UGT1A7: variants seen among roughly 807,000 people sequenced by gnomAD.
The protein encoded by UGT1A7 is UDP glucuronosyltransferase family 1 member A7, also known as UDP-glucuronosyltransferase 1A7.
Under a neutral mutation model 45.6 loss-of-function variants are expected in UGT1A7, and 33 were observed. That is an observed-to-expected ratio of 0.72 (90% CI 0.55 to 0.97). The LOEUF (loss-of-function observed/expected upper bound fraction) is 0.97. Ranked by LOEUF, UGT1A7 falls within the 50% of genes least tolerant of loss-of-function variation. The pLI is 0.00. For synonymous variants in UGT1A7, 274 were observed against 250.6 expected, an observed-to-expected ratio of 1.09 and a Z score of -0.88; for missense variants, 684 against 666.2, an observed-to-expected ratio of 1.03 and a Z score of -0.29.
intron 1 of UGT1A7, among the ~76,000 whole-genome samples, chr2:233,697,135 A>C (rs899177042): frequency 2.0e-5 from 3 of 152,062 alleles, no homozygotes; most frequent in African/African-American, 7.2e-5. Context: ...TTTTTCTGTA[A>C]TAGTTTGAGT....
At chr2:233,756,421 TG>T (rs1436391565) in intron 1 of UGT1A7, 1 of 152,148 alleles carries the variant, frequency 6.6e-6, no homozygotes, top group African/African-American at 2.4e-5. Flanking sequence ...TTATTTGTAC[TG>T]TTTTTTTTTC....
At chr2:233,713,670 G>GT in intron 1 of UGT1A7, 1 of 1,613,956 alleles carries the variant, frequency 6.2e-7, no homozygotes, top group Non-Finnish European at 8.5e-7. Context: ...TTGCCATGCT[G>GT]TTTCTGCTCC....
intron 1 of UGT1A7, among the ~76,000 whole-genome samples, chr2:233,687,020 T>A (rs551595106): frequency 2.6e-5 from 4 of 152,192 alleles, no homozygotes; most frequent in Admixed American, 1.3e-4. Context: ...CTTTAGGAGG[T>A]GGTTCAATGT....
At chr2:233,702,203 T>C (rs1322988594) in intron 1 of UGT1A7, among the ~76,000 whole-genome samples, 1 of 152,208 alleles carries the variant, frequency 6.6e-6, no homozygotes, top group Non-Finnish European at 1.5e-5. Context: ...TGGCAGCCAT[T>C]AATCAACTTT....
rs541267003 is a variant in UGT1A7, at chr2:233,744,012, G to T, written c.856-23022G>T. 67 of 1,089,588 alleles carry T rather than the reference G, an allele frequency of 6.1e-5. 1 individual carries two copies. Among genetic ancestry groups the T allele is most frequent in the Non-Finnish European group, 7.2e-5 (60 of 828,198 alleles). The allele number at this position is 1,089,588 out of a possible 1,614,324, so 67.5% of individuals were successfully genotyped here. ...GCCCGAGTGCTCGGAGACCTGGGCC[G>T]CCTGGAGAGACGCCCCTTATGACGC... On this transcript the variant is annotated intron_variant, in intron 1 of 4. Transcript: ENST00000373426.
intron 1 of UGT1A7, among the ~76,000 whole-genome samples, chr2:233,732,351 ATGAAGTCC>A: frequency 6.6e-6 from 1 of 152,222 alleles, no homozygotes; most frequent in Non-Finnish European, 1.5e-5. Flanking sequence ...TGTTTTAGTC[ATGAAGTCC>A]TGGCCCATGC....
intron 1 of UGT1A7, among the ~76,000 whole-genome samples, chr2:233,727,122 G>A (rs188097836): frequency 6.6e-6 from 1 of 152,290 alleles, no homozygotes; most frequent in Non-Finnish European, 1.5e-5. Context: ...TGTGAGATTG[G>A]CAGAGGGGAA....
chr2:233,697,312 G>A (rs150627234), intron 1 of UGT1A7, among the ~76,000 whole-genome samples: 114 of 152,132 alleles, frequency 7.5e-4, no homozygotes, highest in African/African-American at 2.7e-3. Flanking sequence ...TTGGTAGATT[G>A]TTTGTGTTTG....
At chr2:233,755,246 C>T (rs1229068281) in intron 1 of UGT1A7, 3 of 850,962 alleles carry the variant, frequency 3.5e-6, no homozygotes, top group Non-Finnish European at 5.3e-6. Flanking sequence ...GGGGTACTCC[C>T]AGCACCTCGT....
At chr2:233,751,245 G>A (rs961434580) in intron 1 of UGT1A7, among the ~76,000 whole-genome samples, 1 of 151,950 alleles carries the variant, frequency 6.6e-6, no homozygotes, top group Admixed American at 6.5e-5. Context: ...TTTTGGACTT[G>A]CATGGGGCCT....
rs2075159384 is a variant in UGT1A7, at chr2:233,693,500, C to T, written c.855+10708C>T. On this transcript the variant is annotated intron_variant, in intron 1 of 4. Transcript: ENST00000373426. ...GATCCTGGCTGAGTATTTGGGCCTA[C>T]CATCTGTGTACCTCTTCAGGGGTTT... 1.2e-6 allele frequency: 2 copies of T among 1,614,174 alleles called. No homozygotes were observed. Among genetic ancestry groups the T allele is most frequent in the Non-Finnish European group, 1.7e-6 (2 of 1,180,030 alleles).
At chr2:233,748,947 C>G (rs900612588) in intron 1 of UGT1A7, among the ~76,000 whole-genome samples, 1 of 151,662 alleles carries the variant, frequency 6.6e-6, no homozygotes, top group Non-Finnish European at 1.5e-5. Context: ...CCCACCCTAT[C>G]CCACTCCAAG....
At chr2:233,683,694 C>T (rs527656893) in intron 1 of UGT1A7, among the ~76,000 whole-genome samples, 2 of 152,180 alleles carry the variant, frequency 1.3e-5, no homozygotes, top group Non-Finnish European at 2.9e-5. Flanking sequence ...CTCTGCATTT[C>T]ATTATTTTTG....
rs147392032 is a variant in UGT1A7 at position 233,682,549 on chromosome 2, G to A, written c.612G>A (p.Lys204=). The stretch of plus-strand genomic sequence containing the variant: ...GGTTCTCAGACGCCATGACTTTCAA[G>A]GAGAGAGTATGGAACCACATCATGC... ...LLGFSDAMTF[K]ERVWNHIMHL... The change falls in exon 1 of 5, where the codon AAG becomes AAA. Residue 204 remains lysine (K), a synonymous_variant. Coordinates refer to ENST00000373426, the MANE Select transcript of UGT1A7 (RefSeq NM_019077.3). The A allele has an allele frequency of 2.9e-4, 473 of 1,613,794 alleles. No homozygotes were observed. The highest frequency in any genetic ancestry group is 3.7e-4 in the Non-Finnish European group (442 of 1,179,858).
intron 1 of UGT1A7, chr2:233,743,791 C>G: frequency 7.3e-7 from 1 of 1,367,342 alleles, no homozygotes; most frequent in Non-Finnish European, 9.8e-7. Flanking sequence ...ATCTCCTCTC[C>G]GCTTCCTCCT....
chr2:233,718,709 A>T, intron 1 of UGT1A7: 1 of 1,605,752 alleles, frequency 6.2e-7, no homozygotes, highest in African/African-American at 1.3e-5. Context: ...TTGTCTTCCA[A>T]TTACATGCTG....
At chr2:233,731,010 G>T (rs17868337) in intron 1 of UGT1A7, among the ~76,000 whole-genome samples, 1 of 152,138 alleles carries the variant, frequency 6.6e-6, no homozygotes, top group Admixed American at 6.5e-5. Flanking sequence ...CATGTACATC[G>T]TGAGAGAATC....
chr2:233,693,561 C>T lies in UGT1A7; in HGVS notation c.855+10769C>T, dbSNP rs751053554. 6.2e-7 allele frequency: 1 copy of T among 1,614,208 alleles called. No individual in the cohort carries two copies. Among genetic ancestry groups the T allele is most frequent in the Non-Finnish European group, 8.5e-7 (1 of 1,180,020 alleles). ...CTGGAGCATACATTCAGCAGAAGCC[C>T]AGACCCTGTGTCCTACATTCCCAGG... On this transcript the variant is annotated intron_variant, in intron 1 of 4. Transcript: ENST00000373426.
intron 1 of UGT1A7, chr2:233,756,443 C>T (rs1181894650): frequency 6.6e-6 from 1 of 151,696 alleles, no homozygotes; most frequent in Non-Finnish European, 1.5e-5. Flanking sequence ...ATTGTTGTTC[C>T]CCCCAAATAT....
Sources: allele counts gnomAD v4.1 joint callset (sites outside exome capture counted in the v4.1 genomes callset), GRCh38; gene constraint gnomAD v4.1.1; transcripts MANE v1.5; gene names NCBI Gene and HGNC (gene_info 2026-07-23, HGNC 2026-07-21).